The following RIN2 variants were observed in gnomAD, a reference collection of about 807,000 sequenced individuals.
RIN2 encodes the protein RAB5 interacting protein 2.
Under a neutral mutation model 78.0 loss-of-function variants are expected in RIN2, and 36 were observed. That is an observed-to-expected ratio of 0.46 (90% confidence interval 0.35 to 0.61). The LOEUF (loss-of-function observed/expected upper bound fraction) is 0.61. Ranked by LOEUF, RIN2 falls within the 20% of genes least tolerant of loss-of-function variation. The pLI is 0.00. For missense variants in RIN2, 1,087 were observed against 1,159.7 expected (o/e 0.94, Z 0.91); for synonymous variants, 466 against 466.8 (o/e 1.00, Z 0.02).
intron 2 of RIN2, among the ~76,000 whole-genome samples, chr20:19,841,059 C>G (rs17300461): frequency 0.057 from 8,640 of 152,124 alleles, 300 homozygotes; most frequent in South Asian, 0.17. Flanking sequence ...CCCTCGTTAA[C>G]TACCCGGCAA....
chr20:19,970,794 C>G, intron 7 of RIN2, 44 bp from the exon 8 acceptor site: 1 of 1,407,628 alleles, frequency 7.1e-7, no homozygotes, highest in Non-Finnish European at 1.0e-6. Flanking sequence ...AGATAGAAAG[C>G]AGACATGTAA....
intron 2 of RIN2, among the ~76,000 whole-genome samples, chr20:19,878,939 G>A (rs1044986770): frequency 6.6e-6 from 1 of 152,152 alleles, no homozygotes; most frequent in Non-Finnish European, 1.5e-5. Flanking sequence ...AACCACACCT[G>A]CCCTGTCTGG....
chr20:19,916,579 C>T (rs193195085), intron 3 of RIN2, among the ~76,000 whole-genome samples: 16 of 152,230 alleles, frequency 1.1e-4, no homozygotes, highest in African/African-American at 2.4e-4. Flanking sequence ...CCAGCCTGGG[C>T]GACAGAGTGA....
intron 9 of RIN2, among the ~76,000 whole-genome samples, chr20:19,983,541 C>CG (rs1555808521): frequency 6.6e-6 from 1 of 151,382 alleles, no homozygotes; most frequent in Admixed American, 6.6e-5. Context: ...GACTTCCCTA[C>CG]AAAAAAAAGG....
rs150736354 is a variant in RIN2, at chr20:19,873,308, G to A, written c.-36-16258G>A. On this transcript the variant is annotated intron_variant, in intron 2 of 12. Transcript: ENST00000255006. ...CTTGGCTAATTTTTTAAAGTTTTTT[G>A]TAGAGTTGGGGTCTCACTATGTTGC... Among the ~76,000 whole-genome samples, 771 of 151,982 alleles carry A rather than the reference G, an allele frequency of 5.1e-3. 3 individuals are homozygous for A. Among genetic ancestry groups the A allele is most frequent in the Middle Eastern group, 0.014 (4 of 294 alleles).
chr20:19,901,968 A>G (rs1005029363), intron 3 of RIN2, among the ~76,000 whole-genome samples: 1 of 145,330 alleles, frequency 6.9e-6, no homozygotes, highest in Admixed American at 7.1e-5. Context: ...ATGAGCCAAG[A>G]TGGCACCACT....
chr20:19,956,575 T>A (rs752761227), intron 4 of RIN2, 40 bp from the exon 5 acceptor site: 5 of 1,588,110 alleles, frequency 3.1e-6, no homozygotes, highest in Non-Finnish European at 3.4e-6. Context: ...AGGGAAATGG[T>A]ACTGCAGCCA....
chr20:19,909,672 C>T (rs1461420665), intron 3 of RIN2, among the ~76,000 whole-genome samples: 1 of 152,200 alleles, frequency 6.6e-6, no homozygotes, highest in African/African-American at 2.4e-5. Context: ...TCATCTTTTA[C>T]AGATGAGGAA....
At position 19,788,601 on chromosome 20, in the gene RIN2, CG is replaced by C. The variant is rs1454691917; in HGVS notation, c.-162-11020del. 1.3e-3 allele frequency among the ~76,000 whole-genome samples: 142 copies of C among 109,098 alleles called. 1 individual carries two copies. The highest frequency in any genetic ancestry group is 7.3e-3 in the African/African-American group (137 of 18,804). 71.6% of individuals were successfully genotyped at this position (109,098 alleles called of 152,430 possible). On this transcript the variant is annotated intron_variant, in intron 1 of 12. Coordinates refer to ENST00000255006, the MANE Select transcript of RIN2 (RefSeq NM_018993.4). The stretch of plus-strand genomic sequence containing the variant: ...TGGGCAACAAAGCAAGACTTTGTCT[CG>C]AAAAAAAAAAAAAAAATTAAAATTG...
chr20:19,777,853 G>C (rs2034365599), intron 1 of RIN2, among the ~76,000 whole-genome samples: 1 of 152,198 alleles, frequency 6.6e-6, no homozygotes, highest in South Asian at 2.1e-4. Context: ...AAAGTCAAAT[G>C]TCACTTTTTT....
In RIN2 at chr20:19,799,089, C is replaced by T. The variant is rs370335151; in HGVS notation, c.-162-533C>T. ...TAATTTTTTGTATTTTTGGTAGAGA[C>T]GGGATTTCACCATGTTGCCCAGGCT... On this transcript the variant is annotated intron_variant, in intron 1 of 12. Coordinates refer to ENST00000255006, the MANE Select transcript of RIN2 (RefSeq NM_018993.4). Among the ~76,000 whole-genome samples the T allele has an allele frequency of 1.6e-4, 25 of 152,024 alleles. No individual in the cohort carries two copies. In the South Asian group the frequency reaches 4.2e-3, roughly 25 times the overall value.
At chr20:19,822,782 T>C (rs2035965666) in intron 2 of RIN2, among the ~76,000 whole-genome samples, 1 of 152,216 alleles carries the variant, frequency 6.6e-6, no homozygotes, top group South Asian at 2.1e-4. Context: ...ATATATGCAT[T>C]ATTATGGTTA....
Position 19,886,606 on chromosome 20 carries a change from CTTCTTCTTTT to C in RIN2, c.-36-2957_-36-2948del, listed in dbSNP as rs1342006597. 8.6e-4 allele frequency: 711 copies of C among 829,376 alleles called. 3 individuals are homozygous for C. The African/African-American group carries it at 0.014, about 16-fold the overall frequency. The allele number at this position is 829,376 out of a possible 1,614,324, so 51.4% of individuals were successfully genotyped here. ...CTATGAGGGCTGCCTTCTTCTTCTTCTTCTTCTTTTTTTTTTTTTTTTTTTGCTAGCTTTT... is the reference window on the plus strand; with the variant it reads ...CTATGAGGGCTGCCTTCTTCTTCTTCTTTTTTTTTTTTTTTGCTAGCTTTT... On this transcript the variant is annotated intron_variant, in intron 2 of 12. Transcript: ENST00000255006.
intron 3 of RIN2, among the ~76,000 whole-genome samples, chr20:19,911,877 T>A (rs1466368864): frequency 6.6e-6 from 1 of 152,220 alleles, no homozygotes; most frequent in Non-Finnish European, 1.5e-5. Context: ...AAAATGAATC[T>A]CTTTGTTATC....
At chr20:19,854,925 G>C (rs1169954671) in intron 2 of RIN2, among the ~76,000 whole-genome samples, 1 of 152,208 alleles carries the variant, frequency 6.6e-6, no homozygotes, top group Non-Finnish European at 1.5e-5. Flanking sequence ...ATGTTGAATA[G>C]GAGTGGTGAG....
At chr20:19,779,461 G>C (rs1247362155) in intron 1 of RIN2, among the ~76,000 whole-genome samples, 1 of 152,186 alleles carries the variant, frequency 6.6e-6, no homozygotes, top group Non-Finnish European at 1.5e-5. Flanking sequence ...CAGGGCACGG[G>C]TCACTAGAAC....
chr20:19,812,695 A>T (rs950943781), intron 2 of RIN2, among the ~76,000 whole-genome samples: 1 of 152,210 alleles, frequency 6.6e-6, no homozygotes, highest in African/African-American at 2.4e-5. Flanking sequence ...TCAGAATGGC[A>T]TACTTGGGAA....
intron 2 of RIN2, among the ~76,000 whole-genome samples, chr20:19,858,674 T>C (rs1159763702): frequency 6.6e-6 from 1 of 152,202 alleles, no homozygotes; most frequent in East Asian, 1.9e-4. Context: ...ATCCAGGAAA[T>C]GAAACCTCCA....
intron 1 of RIN2, among the ~76,000 whole-genome samples, chr20:19,784,353 T>C (rs774100176): frequency 8.5e-5 from 13 of 152,094 alleles, no homozygotes; most frequent in Non-Finnish European, 1.9e-4. Flanking sequence ...TGTGTATGCA[T>C]TTAGTTATTA....
Sources: gnomAD v4.1 joint callset for allele counts (sites outside exome capture counted in the v4.1 genomes callset) on GRCh38, gnomAD v4.1.1 for gene constraint, MANE v1.5 for transcripts, NCBI Gene and HGNC (gene_info 2026-07-23, HGNC 2026-07-21) for gene names.